Variants in GRID1 observed in about 807,000 individuals in gnomAD.
GRID1 encodes the protein glutamate receptor ionotropic, delta-1.
A neutral mutation model predicts 98.0 loss-of-function variants in GRID1; 28 were observed. The ratio of observed to expected loss-of-function variants is 0.29; its 90% CI spans 0.21 to 0.39. GRID1 has a LOEUF of 0.39. Ranked by LOEUF, GRID1 falls within the 10% of genes least tolerant of loss-of-function variation. GRID1 has a pLI of 1.00. For missense variants in GRID1, 1,111 were observed against 1,340.5 expected (o/e 0.83, Z 2.67); for synonymous variants, 553 against 538.5 (o/e 1.03, Z -0.37).
chr10:85,704,767 A>G (rs1242496297), intron 12 of GRID1, among the ~76,000 whole-genome samples: 2 of 152,236 alleles, frequency 1.3e-5, no homozygotes, highest in East Asian at 3.9e-4. Context: ...ATAACAAACT[A>G]TCTTTCAGAC....
intron 2 of GRID1, among the ~76,000 whole-genome samples, chr10:86,326,189 C>T (rs1848048235): frequency 6.6e-6 from 1 of 152,146 alleles, no homozygotes; most frequent in African/African-American, 2.4e-5. Context: ...TGGGCAGGAC[C>T]TACACAAAGA....
At chr10:86,322,193 G>T (rs1847979776) in intron 2 of GRID1, among the ~76,000 whole-genome samples, 1 of 152,082 alleles carries the variant, frequency 6.6e-6, no homozygotes, top group Non-Finnish European at 1.5e-5. Context: ...GCTGAAACAG[G>T]AACTCTCCCA....
chr10:85,612,706 G>A (rs890542148), intron 15 of GRID1, among the ~76,000 whole-genome samples: 3 of 151,768 alleles, frequency 2.0e-5, no homozygotes, highest in Non-Finnish European at 4.4e-5. Flanking sequence ...AAAGGTCTCC[G>A]GGGGACCTTG....
At chr10:86,140,559 C>A (rs1011236752) in intron 3 of GRID1, among the ~76,000 whole-genome samples, 1 of 152,168 alleles carries the variant, frequency 6.6e-6, no homozygotes, top group African/African-American at 2.4e-5. Flanking sequence ...TCATGGGGAA[C>A]CAAGCAGCGC....
chr10:86,261,937 G>A (rs1186482432), intron 2 of GRID1, among the ~76,000 whole-genome samples: 1 of 152,258 alleles, frequency 6.6e-6, no homozygotes, highest in Non-Finnish European at 1.5e-5. Flanking sequence ...CCAAAGAGCT[G>A]TGTGCCAGAC....
chr10:86,262,220 G>A (rs1212573627), intron 2 of GRID1, among the ~76,000 whole-genome samples: 1 of 152,226 alleles, frequency 6.6e-6, no homozygotes, highest in Non-Finnish European at 1.5e-5. Context: ...TGCTCCTACT[G>A]AGCCCAGGAA....
At chr10:86,001,342 AT>A (rs1416246325) in intron 4 of GRID1, among the ~76,000 whole-genome samples, 2 of 147,754 alleles carry the variant, frequency 1.4e-5, no homozygotes, top group Admixed American at 1.3e-4. Context: ...ACAAAAAAAA[AT>A]GACACAAACC....
At chr10:86,131,784 T>C (rs2131966954) in intron 4 of GRID1, among the ~76,000 whole-genome samples, 1 of 152,272 alleles carries the variant, frequency 6.6e-6, no homozygotes, top group South Asian at 2.1e-4. Context: ...CCTGCTTGGC[T>C]GGAGTGTTAA....
At chr10:86,017,634 G>T (rs1433035685) in intron 4 of GRID1, among the ~76,000 whole-genome samples, 1 of 152,240 alleles carries the variant, frequency 6.6e-6, no homozygotes, top group Non-Finnish European at 1.5e-5. Flanking sequence ...ACAAGGGGCA[G>T]GTATGGCTGG....
At chr10:86,311,962 A>G (rs1847837702) in intron 2 of GRID1, among the ~76,000 whole-genome samples, 1 of 152,250 alleles carries the variant, frequency 6.6e-6, no homozygotes, top group Non-Finnish European at 1.5e-5. Flanking sequence ...TATTCAAACC[A>G]GGGTATCCAC....
Position 86,197,448 on chromosome 10 carries a change from G to A in GRID1, c.520+8916C>T, listed in dbSNP as rs372493459. Among the ~76,000 whole-genome samples, 64 of 152,246 alleles carry A rather than the reference G, an allele frequency of 4.2e-4. 1 individual carries two copies. The East Asian group carries it at 7.5e-3, about 18-fold the overall frequency. ...GCCACATCTCGCTGGTACCCTTCCTGGAATTCTAGTATTTAACAACACAAC... is the reference window on the plus strand; with the variant it reads ...GCCACATCTCGCTGGTACCCTTCCTAGAATTCTAGTATTTAACAACACAAC... On this transcript the variant is annotated intron_variant, in intron 3 of 15. Coordinates refer to ENST00000327946, the MANE Select transcript of GRID1 (RefSeq NM_017551.3).
chr10:85,932,454 A>G (rs1200479290), intron 4 of GRID1, among the ~76,000 whole-genome samples: 1 of 152,118 alleles, frequency 6.6e-6, no homozygotes, highest in Non-Finnish European at 1.5e-5. Context: ...GGACTCAGGG[A>G]TGCTCCTGCC....
At chr10:86,170,693 G>A (rs928847603) in intron 3 of GRID1, among the ~76,000 whole-genome samples, 15 of 152,236 alleles carry the variant, frequency 9.9e-5, no homozygotes, top group Non-Finnish European at 1.9e-4. Context: ...ACACACGTGC[G>A]CATGCACTCC....
chr10:86,331,854 G>A (rs1848147153), intron 2 of GRID1, among the ~76,000 whole-genome samples: 1 of 152,090 alleles, frequency 6.6e-6, no homozygotes, highest in African/African-American at 2.4e-5. Flanking sequence ...CTATTCTCCA[G>A]TGATGAGCAT....
chr10:86,100,502 T>C (rs1171985208), intron 4 of GRID1, among the ~76,000 whole-genome samples: 1 of 151,994 alleles, frequency 6.6e-6, no homozygotes, highest in African/African-American at 2.4e-5. Flanking sequence ...ATCAATGAAA[T>C]GTATAATAAG....
chr10:85,876,901 C>T (rs1009034793), intron 5 of GRID1, among the ~76,000 whole-genome samples: 2 of 152,202 alleles, frequency 1.3e-5, no homozygotes, highest in Admixed American at 6.5e-5. Flanking sequence ...GTCACACCCA[C>T]CCCAATACTG....
At chr10:85,986,251 A>C (rs10509526) in intron 4 of GRID1, among the ~76,000 whole-genome samples, 50,786 of 152,112 alleles carry the variant, frequency 0.33, 9,315 homozygotes, top group South Asian at 0.5. Flanking sequence ...AAAAACCTGA[A>C]AGGTAATGAA....
intron 4 of GRID1, among the ~76,000 whole-genome samples, chr10:86,081,391 T>G (rs1843976548): frequency 6.6e-6 from 1 of 152,184 alleles, no homozygotes; most frequent in Non-Finnish European, 1.5e-5. Context: ...CAGGGAATTA[T>G]TTCTAGTATC....
intron 8 of GRID1, among the ~76,000 whole-genome samples, chr10:85,828,839 C>A (rs546257811): frequency 7.9e-5 from 12 of 152,082 alleles, no homozygotes; most frequent in Non-Finnish European, 1.6e-4. Context: ...CAGAAAAAGC[C>A]CAGGACTAGA....
Sources: allele counts gnomAD v4.1 joint callset (sites outside exome capture counted in the v4.1 genomes callset), GRCh38; gene constraint gnomAD v4.1.1; transcripts MANE v1.5; gene names NCBI Gene and HGNC (gene_info 2026-07-23, HGNC 2026-07-21).